YWHAE: variants seen among roughly 807,000 people sequenced by gnomAD.
YWHAE encodes the protein 14-3-3 protein epsilon.
YWHAE carries 4 observed loss-of-function variants against 30.1 expected under a neutral mutation model. That is an observed-to-expected ratio of 0.13 (90% confidence interval 0.07 to 0.30). YWHAE has a LOEUF of 0.30. Ranked by LOEUF, YWHAE falls within the 10% of genes least tolerant of loss-of-function variation. The pLI, the probability that YWHAE is intolerant of heterozygous loss-of-function variation, is 1.00. For missense variants in YWHAE, 121 were observed against 315.9 expected, an observed-to-expected ratio of 0.38 and a Z score of 4.68; for synonymous variants, 118 against 111.8, an observed-to-expected ratio of 1.06 and a Z score of -0.35.
intron 1 of YWHAE, among the ~76,000 whole-genome samples, chr17:1,370,654 C>A (rs769440281): frequency 6.6e-6 from 1 of 152,054 alleles, no homozygotes; most frequent in African/African-American, 2.4e-5. Flanking sequence ...TGGTCTTAAA[C>A]TCCTGACCTC....
At chr17:1,388,117 G>GTTTTTTTTTTTT (rs1491196737) in intron 1 of YWHAE, among the ~76,000 whole-genome samples, 3 of 65,106 alleles carry the variant, frequency 4.6e-5, no homozygotes, top group African/African-American at 1.1e-4. Context: ...TTTTTTGGTT[G>GTTTTTTTTTTTT]GTTTTTTTTT....
chr17:1,395,017 T>C (rs1164117343), intron 1 of YWHAE, among the ~76,000 whole-genome samples: 7 of 152,236 alleles, frequency 4.6e-5, no homozygotes, highest in Middle Eastern at 3.4e-3. Flanking sequence ...TTGTCATTAC[T>C]GTTTGTGTAC....
intron 1 of YWHAE, among the ~76,000 whole-genome samples, chr17:1,386,512 T>C (rs1000237850): frequency 6.6e-6 from 1 of 152,228 alleles, no homozygotes; most frequent in Non-Finnish European, 1.5e-5. Flanking sequence ...TCAGTAAGTA[T>C]TTGTCAAATG....
chr17:1,391,105 G>C (rs1292882435), intron 1 of YWHAE, among the ~76,000 whole-genome samples: 1 of 152,196 alleles, frequency 6.6e-6, no homozygotes, highest in Non-Finnish European at 1.5e-5. Flanking sequence ...CTGGCTCAAG[G>C]TAGCCATAAG....
At chr17:1,380,400 A>G (rs2073189229) in intron 1 of YWHAE, among the ~76,000 whole-genome samples, 1 of 152,092 alleles carries the variant, frequency 6.6e-6, no homozygotes, top group Admixed American at 6.6e-5. Context: ...CGCCCAGCCC[A>G]GACTAGATTT....
chr17:1,394,460 A>AAAAAAAAAAAAAAAAAAAAAAAAAAACC (rs1555647412), intron 1 of YWHAE, among the ~76,000 whole-genome samples: 1 of 137,628 alleles, frequency 7.3e-6, no homozygotes, highest in African/African-American at 2.9e-5. Flanking sequence ...AAAAAAAAAA[A>AAAAAAAAAAAAAAAAAAAAAAAAAAACC]ACACAAAAAT....
At chr17:1,383,280 G>A (rs1253655335) in intron 1 of YWHAE, among the ~76,000 whole-genome samples, 1 of 152,076 alleles carries the variant, frequency 6.6e-6, no homozygotes, top group Non-Finnish European at 1.5e-5. Flanking sequence ...ATCCTGGGAG[G>A]ACGAGGTTTC....
chr17:1,357,435 C>G (rs546430014), intron 4 of YWHAE, among the ~76,000 whole-genome samples: 1 of 149,228 alleles, frequency 6.7e-6, no homozygotes, highest in Non-Finnish European at 1.5e-5. Flanking sequence ...AAAAAATTAA[C>G]CGGGCGTGGT....
chr17:1,393,546 C>T (rs1037113165), intron 1 of YWHAE, among the ~76,000 whole-genome samples: 6 of 152,128 alleles, frequency 3.9e-5, no homozygotes, highest in African/African-American at 1.4e-4. Context: ...TTTCCCACCT[C>T]AGCCTCCTCA....
At chr17:1,350,353 T>G (rs1055333636) in intron 5 of YWHAE, among the ~76,000 whole-genome samples, 1 of 152,234 alleles carries the variant, frequency 6.6e-6, no homozygotes, top group African/African-American at 2.4e-5. Flanking sequence ...GGTAGTCTAC[T>G]TTGATTAATC....
intron 4 of YWHAE, among the ~76,000 whole-genome samples, chr17:1,360,150 C>A (rs1410037225): frequency 6.6e-6 from 1 of 152,038 alleles, no homozygotes; most frequent in Non-Finnish European, 1.5e-5. Context: ...TTAATAGAGA[C>A]AGAGTTTCAC....
intron 5 of YWHAE, among the ~76,000 whole-genome samples, chr17:1,353,925 G>C (rs2072684056): frequency 6.6e-6 from 1 of 152,048 alleles, no homozygotes; most frequent in African/African-American, 2.4e-5. Context: ...CTTAACTTCA[G>C]CCCCCTAAAA....
intron 4 of YWHAE, among the ~76,000 whole-genome samples, chr17:1,355,771 A>G (rs144368596): frequency 0.012 from 1,863 of 152,314 alleles, 30 homozygotes; most frequent in East Asian, 0.052. Flanking sequence ...GTGGTGGCTC[A>G]TGCCTGTAAT....
At chr17:1,379,506 CA>C (rs2073173305) in intron 1 of YWHAE, among the ~76,000 whole-genome samples, 1 of 152,084 alleles carries the variant, frequency 6.6e-6, no homozygotes, top group Admixed American at 6.6e-5. Flanking sequence ...TTCATACATG[CA>C]AAACTTCTAA....
intron 1 of YWHAE, among the ~76,000 whole-genome samples, chr17:1,365,297 T>C (rs1217822574): frequency 1.3e-5 from 2 of 152,082 alleles, no homozygotes; most frequent in African/African-American, 4.8e-5. Context: ...TCATATACTA[T>C]CTAATATAAT....
chr17:1,358,651 C>A (rs908561125), intron 4 of YWHAE, among the ~76,000 whole-genome samples: 4 of 151,770 alleles, frequency 2.6e-5, no homozygotes. Context: ...GATAGTGAAA[C>A]CTCGTCTCTA....
intron 1 of YWHAE, among the ~76,000 whole-genome samples, chr17:1,369,074 C>T (rs551628705): frequency 6.6e-6 from 1 of 152,186 alleles, no homozygotes; most frequent in African/African-American, 2.4e-5. Flanking sequence ...CAGATTCAAG[C>T]ATAAATGCTT....
chr17:1,385,987 G>A (rs187947622), intron 1 of YWHAE, among the ~76,000 whole-genome samples: 13 of 152,236 alleles, frequency 8.5e-5, no homozygotes, highest in Admixed American at 2.6e-4. Context: ...AACTCCTTCC[G>A]AAGTGGAAGG....
intron 1 of YWHAE, among the ~76,000 whole-genome samples, chr17:1,383,635 G>A (rs1279700045): frequency 1.3e-5 from 2 of 151,544 alleles, no homozygotes; most frequent in Non-Finnish European, 2.9e-5. Flanking sequence ...TGATCCACCC[G>A]CCTCGGCCTC....
Sources: allele counts gnomAD v4.1 joint callset (sites outside exome capture counted in the v4.1 genomes callset), GRCh38; gene constraint gnomAD v4.1.1; transcripts MANE v1.5; gene names NCBI Gene and HGNC (gene_info 2026-07-23, HGNC 2026-07-21).